The following PDE4D variants were observed in gnomAD, a reference collection of about 807,000 sequenced individuals.
The protein encoded by PDE4D is 3',5'-cyclic-AMP phosphodiesterase 4D.
A neutral mutation model predicts 87.4 loss-of-function variants in PDE4D; 24 were observed. The ratio of observed to expected loss-of-function variants is 0.27; its 90% CI spans 0.20 to 0.39. PDE4D has a LOEUF of 0.39. Among genes scored for constraint, PDE4D ranks in the 10% least tolerant of loss-of-function variants. The pLI is 1.00. For synonymous variants in PDE4D, 384 were observed against 383.2 expected (o/e 1.00, Z -0.02); for missense variants, 714 against 1,041.0 (o/e 0.69, Z 4.32).
At chr5:59,144,450 A>G (rs991108035) in intron 5 of PDE4D, among the ~76,000 whole-genome samples, 2 of 152,244 alleles carry the variant, frequency 1.3e-5, no homozygotes, top group Admixed American at 1.3e-4. Flanking sequence ...GAGACAGTAA[A>G]TAAAGGGTAA....
chr5:59,762,253 CACATATGCGTAT>C, intron 1 of PDE4D, among the ~76,000 whole-genome samples: 3 of 126,662 alleles, frequency 2.4e-5, no homozygotes, highest in Non-Finnish European at 1.7e-5. Flanking sequence ...TATATGGGTA[CACATATGCGTAT>C]ATGTGTATAT....
intron 1 of PDE4D, among the ~76,000 whole-genome samples, chr5:60,431,562 G>A (rs1207276181): frequency 2.0e-5 from 3 of 150,754 alleles, no homozygotes; most frequent in Middle Eastern, 3.3e-3. Flanking sequence ...GATGGCGGCC[G>A]GGCAGAGACG....
intron 1 of PDE4D, among the ~76,000 whole-genome samples, chr5:59,600,924 A>G (rs1827413086): frequency 6.6e-6 from 1 of 152,178 alleles, no homozygotes; most frequent in South Asian, 2.1e-4. Context: ...GGTTTCTAAT[A>G]TTACAATGTA....
chr5:60,414,031 T>C (rs1742270711), intron 1 of PDE4D, among the ~76,000 whole-genome samples: 1 of 152,194 alleles, frequency 6.6e-6, no homozygotes, highest in South Asian at 2.1e-4. Flanking sequence ...TCTCGACAGA[T>C]ACAATTTCTC....
At chr5:60,468,136 T>TTTTTTTG (rs1747515599) in intron 1 of PDE4D, among the ~76,000 whole-genome samples, 1 of 125,264 alleles carries the variant, frequency 8.0e-6, no homozygotes, top group East Asian at 2.3e-4. Flanking sequence ...CTTTCTTTTT[T>TTTTTTTG]CTTTTTTTTT....
intron 3 of PDE4D, among the ~76,000 whole-genome samples, chr5:59,924,301 G>A (rs1000995842): frequency 6.6e-6 from 1 of 152,038 alleles, no homozygotes; most frequent in Non-Finnish European, 1.5e-5. Context: ...GAGACATAGG[G>A]ATAAAAAGTG....
chr5:60,018,061 T>G (rs1454334993), intron 2 of PDE4D, among the ~76,000 whole-genome samples: 1 of 152,184 alleles, frequency 6.6e-6, no homozygotes, highest in Non-Finnish European at 1.5e-5. Context: ...TGTTGAGCTT[T>G]TTCTCATGTG....
At chr5:59,605,616 C>A (rs1052538938) in intron 1 of PDE4D, among the ~76,000 whole-genome samples, 27 of 152,178 alleles carry the variant, frequency 1.8e-4, no homozygotes, top group African/African-American at 6.0e-4. Context: ...GTTCAAACTC[C>A]TGTTACTATA....
At chr5:59,064,342 C>A (rs1763575694) in intron 5 of PDE4D, among the ~76,000 whole-genome samples, 1 of 152,088 alleles carries the variant, frequency 6.6e-6, no homozygotes, top group Admixed American at 6.6e-5. Context: ...ATGATATTTT[C>A]ATCCTTGGTA....
chr5:59,134,535 C>T (rs7734053), intron 5 of PDE4D, among the ~76,000 whole-genome samples: 17,877 of 152,134 alleles, frequency 0.12, 1,243 homozygotes, highest in Non-Finnish European at 0.16. Context: ...GATGTTAAAA[C>T]GAAACCCTGG....
intron 1 of PDE4D, among the ~76,000 whole-genome samples, chr5:59,814,984 T>TCAGA (rs1183953021): frequency 1.3e-4 from 20 of 152,170 alleles, no homozygotes; most frequent in African/African-American, 4.8e-4. Flanking sequence ...TACACACGTT[T>TCAGA]TTGCACAGAG....
At chr5:59,170,909 T>A (rs1782652756) in intron 5 of PDE4D, among the ~76,000 whole-genome samples, 2 of 151,346 alleles carry the variant, frequency 1.3e-5, no homozygotes, top group South Asian at 4.2e-4. Context: ...GAGATGAAGT[T>A]TCTCTCTTGT....
chr5:60,214,425 A>G (rs1407322730), intron 1 of PDE4D, among the ~76,000 whole-genome samples: 1 of 152,176 alleles, frequency 6.6e-6, no homozygotes, highest in African/African-American at 2.4e-5. Flanking sequence ...TATTTTTTAA[A>G]CTTGATTTAA....
At position 59,727,639 on chromosome 5, in the gene PDE4D, G is replaced by A. The variant is rs568873350; in HGVS notation, c.455+165529C>T. Among the ~76,000 whole-genome samples the A allele has an allele frequency of 6.6e-5, 10 of 152,174 alleles. No individual in the cohort carries two copies. In the South Asian group the frequency reaches 2.1e-3, roughly 32 times the overall value. On this transcript the variant is annotated intron_variant, in intron 1 of 14. Coordinates refer to ENST00000340635, the MANE Select transcript of PDE4D (RefSeq NM_001104631.2). ...TTTGAGTAGGCAGAGCATGGTTTCT[G>A]GAGTCCAAAAGCCTGTTTAAAGTCC...
intron 2 of PDE4D, among the ~76,000 whole-genome samples, chr5:60,030,398 C>T (rs181544302): frequency 5.9e-5 from 9 of 152,158 alleles, no homozygotes; most frequent in Admixed American, 4.6e-4. Context: ...TGCAGTGAGC[C>T]GAGATTGCGC....
intron 2 of PDE4D, among the ~76,000 whole-genome samples, chr5:59,209,902 T>C (rs1749707397): frequency 6.6e-6 from 1 of 152,240 alleles, no homozygotes; most frequent in Non-Finnish European, 1.5e-5. Flanking sequence ...GACAGATGTT[T>C]TCGTGTTTTT....
chr5:60,151,128 G>A (rs540951742), intron 2 of PDE4D, among the ~76,000 whole-genome samples: 2 of 152,142 alleles, frequency 1.3e-5, no homozygotes, highest in East Asian at 3.8e-4. Context: ...CAAGTACAAA[G>A]ATCTTGTTCA....
chr5:60,192,332 C>T (rs1299432920), intron 1 of PDE4D, among the ~76,000 whole-genome samples: 2 of 152,022 alleles, frequency 1.3e-5, no homozygotes, highest in African/African-American at 4.8e-5. Context: ...TCATATATTG[C>T]TGATCAACTT....
At chr5:59,942,330 G>A (rs1335716579) in intron 3 of PDE4D, among the ~76,000 whole-genome samples, 1 of 152,184 alleles carries the variant, frequency 6.6e-6, no homozygotes, top group Non-Finnish European at 1.5e-5. Context: ...GCCTTCAGTA[G>A]GCTCTTCCCA....
Sources: allele counts gnomAD v4.1 joint callset (sites outside exome capture counted in the v4.1 genomes callset), GRCh38; gene constraint gnomAD v4.1.1; transcripts MANE v1.5; gene names NCBI Gene and HGNC (gene_info 2026-07-23, HGNC 2026-07-21).